The following ADNP variants were observed in gnomAD, a reference collection of about 807,000 sequenced individuals.
ADNP encodes the protein activity-dependent neuroprotector homeobox protein.
ADNP carries 4 observed loss-of-function variants against 84.9 expected under a neutral mutation model. That is an observed-to-expected ratio of 0.05 (90% CI 0.02 to 0.11). The LOEUF (loss-of-function observed/expected upper bound fraction) is 0.11. Among genes scored for constraint, ADNP ranks in the 10% least tolerant of loss-of-function variants. The probability of loss-of-function intolerance (pLI) is 1.00; values close to 1 mark genes in which losing one functional copy is unlikely to be tolerated. For synonymous variants in ADNP, 554 were observed against 468.1 expected, an observed-to-expected ratio of 1.18 and a Z score of -2.37; for missense variants, 1,132 against 1,326.0, an observed-to-expected ratio of 0.85 and a Z score of 2.27.
At chr20:50,927,763 C>T (rs940167022) in intron 2 of ADNP, among the ~76,000 whole-genome samples, 2 of 152,202 alleles carry the variant, frequency 1.3e-5, no homozygotes, top group African/African-American at 2.4e-5. Context: ...TTTCTAAGAG[C>T]TCACAGCAAG....
intron 2 of ADNP, among the ~76,000 whole-genome samples, chr20:50,919,202 C>T (rs1421014471): frequency 1.3e-5 from 2 of 151,638 alleles, no homozygotes; most frequent in Non-Finnish European, 2.9e-5. Flanking sequence ...GTGTAGCTCA[C>T]AGCTCCCAGC....
chr20:50,894,595 A>G, intron 5 of ADNP, 83 bp from the exon 6 acceptor site: 1 of 1,441,906 alleles, frequency 6.9e-7, no homozygotes, highest in African/African-American at 1.4e-5. Flanking sequence ...GGATATTCTT[A>G]ATAATGCATT....
rs1982149818 is a variant in ADNP at position 50,903,162 on chromosome 20, G to A, written c.108+727C>T. Among the ~76,000 whole-genome samples the A allele has an allele frequency of 1.3e-5, 2 of 152,116 alleles. 1 individual carries two copies. Among genetic ancestry groups the A allele is most frequent in the Admixed American group, 1.3e-4 (2 of 15,252 alleles). On this transcript the variant is annotated intron_variant, in intron 4 of 5. Transcript: ENST00000621696. ...GTTCCCTAGCCACCTAGAACTTAAAGGTTAGTGGGGGAAACAGCTTCAAAC... is the reference window on the plus strand; with the variant it reads ...GTTCCCTAGCCACCTAGAACTTAAAAGTTAGTGGGGGAAACAGCTTCAAAC...
chr20:50,911,411 C>T (rs2122900231), intron 2 of ADNP, among the ~76,000 whole-genome samples: 1 of 152,174 alleles, frequency 6.6e-6, no homozygotes, highest in Non-Finnish European at 1.5e-5. Context: ...TTCTTCTGCA[C>T]TATGGCAATC....
At chr20:50,917,819 A>C (rs1490703327) in intron 2 of ADNP, among the ~76,000 whole-genome samples, 1 of 152,230 alleles carries the variant, frequency 6.6e-6, no homozygotes, top group East Asian at 1.9e-4. Context: ...AACTGAAATC[A>C]ACTGATGATA....
chr20:50,902,828 T>C (rs1982117166), intron 4 of ADNP, among the ~76,000 whole-genome samples: 1 of 152,206 alleles, frequency 6.6e-6, no homozygotes, highest in Non-Finnish European at 1.5e-5. Flanking sequence ...ATTATTTCTA[T>C]GAAGATGACC....
At chr20:50,907,768 TG>T (rs1458703389) in intron 2 of ADNP, among the ~76,000 whole-genome samples, 20 of 151,180 alleles carry the variant, frequency 1.3e-4, no homozygotes, top group African/African-American at 2.7e-4. Context: ...TGTGTGTGTG[TG>T]TTTTTTTTTG....
At chr20:50,920,664 C>T (rs888402117) in intron 2 of ADNP, among the ~76,000 whole-genome samples, 1 of 151,990 alleles carries the variant, frequency 6.6e-6, no homozygotes, top group Non-Finnish European at 1.5e-5. Flanking sequence ...CACATCTTCT[C>T]AATCTAAGAG....
chr20:50,915,380 TAAATC>T (rs1287884533), intron 2 of ADNP, among the ~76,000 whole-genome samples: 14 of 152,356 alleles, frequency 9.2e-5, no homozygotes, highest in Non-Finnish European at 1.6e-4. Context: ...GCCCTACATT[TAAATC>T]AAACCAGTTG....
At chr20:50,895,754 G>T (rs1352496236) in intron 5 of ADNP, among the ~76,000 whole-genome samples, 1 of 152,162 alleles carries the variant, frequency 6.6e-6, no homozygotes, top group Non-Finnish European at 1.5e-5. Flanking sequence ...GGCTGGCCTT[G>T]AACTCCTGGG....
rs1368310052 is a variant in ADNP at position 50,893,462 on chromosome 20, A to G, written c.1252T>C (p.Ser418Pro). 1 of 1,614,088 alleles carries G rather than the reference A, an allele frequency of 6.2e-7. No homozygotes were observed. The highest frequency in any genetic ancestry group is 1.3e-5 in the African/African-American group (1 of 75,032). The part of the protein sequence containing the change: ...KSPSLSQSQA[S>P]RVLGQSSSKP... ...GAACTGGACTGACCTAACACTCTGGATGCCTGTGACTGAGAGAGGGAAGGA... is the reference window on the plus strand; with the variant it reads ...GAACTGGACTGACCTAACACTCTGGGTGCCTGTGACTGAGAGAGGGAAGGA... The change falls in exon 6 of 6, where the codon TCC becomes CCC. Residue 418 changes from serine (S) to proline (P), a missense_variant. Physicochemically the swap from Ser to Pro is moderately conservative, Grantham distance 74. Coordinates refer to ENST00000621696, the MANE Select transcript of ADNP (RefSeq NM_001282531.3). The surrounding 1 kb of genome is among the most constrained non-coding windows in gnomAD (Gnocchi z 4.4).
intron 2 of ADNP, 110 bp downstream of exon 2, chr20:50,928,539 ATG>A: frequency 6.6e-6 from 1 of 152,362 alleles, no homozygotes; most frequent in Non-Finnish European, 1.5e-5. Flanking sequence ...TCCTTGAGGA[ATG>A]TGGCTAGGCT....
At chr20:50,925,692 A>G (rs1308316773) in intron 2 of ADNP, among the ~76,000 whole-genome samples, 1 of 152,260 alleles carries the variant, frequency 6.6e-6, no homozygotes, top group African/African-American at 2.4e-5. Flanking sequence ...GCTTTGGTTT[A>G]TACTAGTTTC....
chr20:50,907,590 C>CAGAACATTCT (rs1555813309), intron 2 of ADNP, among the ~76,000 whole-genome samples: 1 of 150,338 alleles, frequency 6.7e-6, no homozygotes, highest in Admixed American at 6.6e-5. Flanking sequence ...CATGTTAACT[C>CAGAACATTCT]ACGTTAACGC....
At chr20:50,924,626 C>A (rs1984169010) in intron 2 of ADNP, among the ~76,000 whole-genome samples, 1 of 152,150 alleles carries the variant, frequency 6.6e-6, no homozygotes, top group Non-Finnish European at 1.5e-5. Context: ...GAAAATAAAA[C>A]AGACAAGCCA....
At chr20:50,902,525 G>A (rs1295696658) in intron 4 of ADNP, among the ~76,000 whole-genome samples, 4 of 151,968 alleles carry the variant, frequency 2.6e-5, no homozygotes, top group South Asian at 2.1e-4. Context: ...GATTTTTTTC[G>A]AGGGGAGGGG....
rs746330997 is a variant in ADNP, at chr20:50,931,004, G to A, written c.-443C>T. ...GCGCCGCGGCCGCGGGTGCTGCCGG[G>A]GGGCGCGGCGGGCGCAGCAGAGCGG... On this transcript the variant is annotated 5_prime_UTR_variant, in exon 1 of 6. Coordinates refer to ENST00000621696, the MANE Select transcript of ADNP (RefSeq NM_001282531.3). The A allele has an allele frequency of 2.0e-5, 3 of 146,470 alleles. No homozygotes were observed. Among genetic ancestry groups the A allele is most frequent in the Non-Finnish European group, 4.6e-5 (3 of 65,546 alleles). The allele number at this position is 146,470 out of a possible 1,614,324, so 9.1% of individuals were successfully genotyped here. A position where few individuals can be genotyped will look rare whatever the true frequency, so the allele number is the denominator to read the frequency against.
intron 3 of ADNP, 92 bp downstream of exon 3, chr20:50,904,674 T>TA (rs1345976167): frequency 2.0e-5 from 3 of 152,228 alleles, no homozygotes; most frequent in African/African-American, 7.2e-5. Flanking sequence ...AGATGAAAAT[T>TA]AGAGAAATAC....
Position 50,890,037 on chromosome 20 carries a change from T to C in ADNP, c.*1368A>G. 2.7e-6 allele frequency: 1 copy of C among 366,116 alleles called. No individual in the cohort carries two copies. The highest frequency in any genetic ancestry group is 4.7e-6 in the Non-Finnish European group (1 of 211,830). The allele number at this position is 366,116 out of a possible 1,614,324, so 22.7% of individuals were successfully genotyped here. A position where few individuals can be genotyped will look rare whatever the true frequency, so the allele number is the denominator to read the frequency against. On this transcript the variant is annotated 3_prime_UTR_variant, in exon 6 of 6. Coordinates refer to ENST00000621696, the MANE Select transcript of ADNP (RefSeq NM_001282531.3). ...ATTAATGCCAATCCATGTTTACATT[T>C]TTTTTTTTATCATTGAGACATTTAC...
Sources: allele counts gnomAD v4.1 joint callset (sites outside exome capture counted in the v4.1 genomes callset), GRCh38; gene constraint gnomAD v4.1.1; non-coding constraint Gnocchi (gnomAD v3.1); transcripts MANE v1.5; gene names NCBI Gene and HGNC (gene_info 2026-07-23, HGNC 2026-07-21).